Variants in CSTPP1 observed in about 807,000 individuals in gnomAD.
CSTPP1 encodes UPF0705 protein C11orf49.
At chr11:47,025,692 T>C in the CSTPP1 span, among the ~76,000 whole-genome samples, 1 of 152,136 alleles carries the variant, frequency 6.6e-6, no homozygotes, top group African/African-American at 2.4e-5. Context: ...CAGTGAAATC[T>C]ACAGGTGATG....
the CSTPP1 span, among the ~76,000 whole-genome samples, chr11:46,978,233 A>C: frequency 6.6e-6 from 1 of 152,202 alleles, no homozygotes; most frequent in Non-Finnish European, 1.5e-5. Context: ...AACAGAAATA[A>C]CTGTGTATCA....
the CSTPP1 span, among the ~76,000 whole-genome samples, chr11:47,068,585 C>T: frequency 1.3e-5 from 2 of 152,068 alleles, no homozygotes; most frequent in African/African-American, 4.8e-5. Context: ...TGCTTATCTA[C>T]ACAATATTTT....
chr11:47,072,858 T>C, the CSTPP1 span, among the ~76,000 whole-genome samples: 1 of 152,196 alleles, frequency 6.6e-6, no homozygotes, highest in Non-Finnish European at 1.5e-5. Flanking sequence ...AAAATTAAAT[T>C]CAGAAAGCAA....
At chr11:47,130,825 G>A in the CSTPP1 span, 2 of 152,434 alleles carry the variant, frequency 1.3e-5, no homozygotes, top group South Asian at 2.1e-4. Flanking sequence ...CCTGGCTGAG[G>A]ATGAGTGTCA....
the CSTPP1 span, among the ~76,000 whole-genome samples, chr11:47,072,999 A>C: frequency 6.6e-6 from 1 of 152,346 alleles, no homozygotes; most frequent in East Asian, 1.9e-4. Flanking sequence ...TTACATGCAT[A>C]CAAAAATATT....
the CSTPP1 span, among the ~76,000 whole-genome samples, chr11:47,083,807 G>A: frequency 6.6e-6 from 1 of 152,176 alleles, no homozygotes; most frequent in African/African-American, 2.4e-5. Flanking sequence ...CTGCTATGTA[G>A]TATTCCGTTG....
At chr11:47,029,173 CTT>C in the CSTPP1 span, among the ~76,000 whole-genome samples, 1 of 152,128 alleles carries the variant, frequency 6.6e-6, no homozygotes, top group Non-Finnish European at 1.5e-5. Flanking sequence ...AGCCTGGTGA[CTT>C]TGTGCAAAAC....
the CSTPP1 span, among the ~76,000 whole-genome samples, chr11:47,131,960 G>C: frequency 2.9e-3 from 436 of 151,866 alleles, 2 homozygotes; most frequent in African/African-American, 0.01. Context: ...CTGGGTGACA[G>C]AGTGAGACTC....
At chr11:46,974,900 ACAC>A in the CSTPP1 span, among the ~76,000 whole-genome samples, 4 of 130,486 alleles carry the variant, frequency 3.1e-5, no homozygotes, top group South Asian at 1.0e-3. Context: ...ACACACACAC[ACAC>A]AATACTCCAA....
chr11:47,107,883 G>A, the CSTPP1 span, among the ~76,000 whole-genome samples: 31 of 152,282 alleles, frequency 2.0e-4, no homozygotes, highest in South Asian at 3.9e-3. Context: ...GGGCAGCAGC[G>A]TGCTGCACAT....
At chr11:46,978,949 G>T in the CSTPP1 span, among the ~76,000 whole-genome samples, 1 of 152,126 alleles carries the variant, frequency 6.6e-6, no homozygotes, top group East Asian at 1.9e-4. Flanking sequence ...TAATTTTTAT[G>T]TAATATTTTT....
chr11:47,055,317 G>A, the CSTPP1 span, among the ~76,000 whole-genome samples: 1 of 150,020 alleles, frequency 6.7e-6, no homozygotes, highest in Non-Finnish European at 1.5e-5. Context: ...CTTCTTTCTT[G>A]CCTTCCTTCC....
At chr11:47,085,793 G>A in the CSTPP1 span, among the ~76,000 whole-genome samples, 1 of 151,994 alleles carries the variant, frequency 6.6e-6, no homozygotes, top group South Asian at 2.1e-4. Context: ...GGGAGGCTAA[G>A]GCTGGAAAAT....
At chr11:46,952,686 T>C in the CSTPP1 span, among the ~76,000 whole-genome samples, 3 of 152,256 alleles carry the variant, frequency 2.0e-5, no homozygotes, top group African/African-American at 7.2e-5. Context: ...ACAATGGTTA[T>C]TATTTTCTTT....
the CSTPP1 span, chr11:47,053,082 A>G: frequency 6.5e-6 from 1 of 153,360 alleles, no homozygotes; most frequent in Non-Finnish European, 1.5e-5. Context: ...AAAGTGGAGT[A>G]GAGAAGGTTC....
chr11:46,936,805 G>C, the CSTPP1 span: 3 of 1,610,862 alleles, frequency 1.9e-6, no homozygotes, highest in African/African-American at 1.3e-5. Context: ...CCGGTCAAAG[G>C]ATGCTGAGTC....
chr11:47,138,194 A>G, the CSTPP1 span, among the ~76,000 whole-genome samples: 1 of 152,200 alleles, frequency 6.6e-6, no homozygotes, highest in South Asian at 2.1e-4. Flanking sequence ...AGGGGAAGCA[A>G]GGACCTTTTT....
chr11:47,139,007 A>C, the CSTPP1 span, among the ~76,000 whole-genome samples: 1 of 150,554 alleles, frequency 6.6e-6, no homozygotes, highest in Non-Finnish European at 1.5e-5. Context: ...AAAAAAAAAA[A>C]AAAAACCTGA....
At chr11:46,949,225 T>A in the CSTPP1 span, among the ~76,000 whole-genome samples, 1 of 152,226 alleles carries the variant, frequency 6.6e-6, no homozygotes, top group Non-Finnish European at 1.5e-5. Flanking sequence ...TTAATTAATA[T>A]ACGTCTAGTA....
Sources: allele counts gnomAD v4.1 joint callset (sites outside exome capture counted in the v4.1 genomes callset), GRCh38; gene constraint gnomAD v4.1.1; transcripts MANE v1.5; gene names NCBI Gene and HGNC (gene_info 2026-07-23, HGNC 2026-07-21).